Variants in PPP1R12A observed in about 807,000 individuals in gnomAD.
The protein encoded by PPP1R12A is myosin binding subunit.
Under a neutral mutation model 139.6 loss-of-function variants are expected in PPP1R12A, and 19 were observed. That is an observed-to-expected ratio of 0.14 (90% CI 0.09 to 0.20). The LOEUF (loss-of-function observed/expected upper bound fraction) is 0.20. PPP1R12A is among the 10% of genes least tolerant of loss of function. PPP1R12A has a pLI of 1.00. For missense variants in PPP1R12A, 925 were observed against 1,211.5 expected (o/e 0.76, Z 3.51); for synonymous variants, 427 against 420.6 (o/e 1.02, Z -0.19).
chr12:79,913,064 A>T (rs1370228667), intron 1 of PPP1R12A, among the ~76,000 whole-genome samples: 5 of 152,200 alleles, frequency 3.3e-5, no homozygotes, highest in African/African-American at 1.2e-4. Context: ...GTATGTGCTG[A>T]TATCTATTGT....
At chr12:79,917,746 G>A (rs1397698498) in intron 1 of PPP1R12A, among the ~76,000 whole-genome samples, 3 of 152,196 alleles carry the variant, frequency 2.0e-5, no homozygotes, top group Non-Finnish European at 2.9e-5. Flanking sequence ...GTGTATAAAG[G>A]TGTTAGGTTT....
intron 2 of PPP1R12A, chr12:79,848,957 G>A (rs559696756): frequency 7.9e-5 from 12 of 151,752 alleles, no homozygotes; most frequent in Admixed American, 6.6e-4. Context: ...AGATATAGTT[G>A]AGTATAATAC....
intron 2 of PPP1R12A, among the ~76,000 whole-genome samples, chr12:79,863,138 C>T (rs1180307617): frequency 6.6e-6 from 1 of 152,116 alleles, no homozygotes; most frequent in East Asian, 1.9e-4. Flanking sequence ...ACCCTAGAAG[C>T]CAGAAGAGAG....
At chr12:79,885,859 T>C (rs1321572007) in intron 1 of PPP1R12A, among the ~76,000 whole-genome samples, 1 of 152,124 alleles carries the variant, frequency 6.6e-6, no homozygotes, top group African/African-American at 2.4e-5. Context: ...AAACAATTCC[T>C]TTTTTGTTTG....
intron 9 of PPP1R12A, among the ~76,000 whole-genome samples, chr12:79,814,899 CAAAG>C (rs1173562655): frequency 3.0e-5 from 4 of 134,934 alleles, no homozygotes; most frequent in Non-Finnish European, 6.4e-5. Flanking sequence ...ACTTTAAGAA[CAAAG>C]AAACAATATA....
At position 79,849,831 on chromosome 12, in the gene PPP1R12A, T is replaced by A. The variant is rs1486852100; in HGVS notation, c.369-4411A>T. ...GTACAGGATGAAATTCTTTTTTATC[T>A]TTATTTTTGAAGAGACAGTCTCATT... is the stretch of plus-strand genomic sequence containing the variant. On this transcript the variant is annotated intron_variant, in intron 2 of 24. Coordinates refer to ENST00000450142, the MANE Select transcript of PPP1R12A (RefSeq NM_002480.3). Among the ~76,000 whole-genome samples the A allele has an allele frequency of 2.0e-5, 3 of 152,150 alleles. No individual in the cohort carries two copies. In the East Asian group the frequency reaches 5.8e-4, roughly 29 times the overall value.
chr12:79,800,304 C>A (rs538839781), intron 14 of PPP1R12A, among the ~76,000 whole-genome samples: 29 of 152,256 alleles, frequency 1.9e-4, no homozygotes, highest in Admixed American at 1.8e-3. Flanking sequence ...AGACCAATCC[C>A]TCCTCTTCCT....
At chr12:79,794,130 T>C (rs1872218639) in intron 18 of PPP1R12A, among the ~76,000 whole-genome samples, 1 of 152,028 alleles carries the variant, frequency 6.6e-6, no homozygotes, top group Non-Finnish European at 1.5e-5. Flanking sequence ...AAATGAATAC[T>C]GGGGGTAGGG....
At chr12:79,852,083 T>C (rs1186027910) in intron 2 of PPP1R12A, among the ~76,000 whole-genome samples, 1 of 152,200 alleles carries the variant, frequency 6.6e-6, no homozygotes. Context: ...ATAATCTTTG[T>C]CAGATAATTT....
At chr12:79,785,704 A>C (rs2136987798) in intron 22 of PPP1R12A, among the ~76,000 whole-genome samples, 1 of 152,298 alleles carries the variant, frequency 6.6e-6, no homozygotes, top group South Asian at 2.1e-4. Context: ...TTAACATGTA[A>C]AATATGTAGT....
chr12:79,871,286 T>C (rs1298058438), intron 2 of PPP1R12A, among the ~76,000 whole-genome samples: 3 of 152,188 alleles, frequency 2.0e-5, no homozygotes, highest in Admixed American at 6.5e-5. Context: ...ACTGACACAA[T>C]AGGTCTGTGA....
At chr12:79,929,540 C>T (rs887557651) in intron 1 of PPP1R12A, among the ~76,000 whole-genome samples, 9 of 151,944 alleles carry the variant, frequency 5.9e-5, no homozygotes, top group Non-Finnish European at 8.8e-5. Flanking sequence ...CCAAGACGGG[C>T]GGATCACTTG....
chr12:79,895,531 C>T (rs1402532859), intron 1 of PPP1R12A, among the ~76,000 whole-genome samples: 1 of 121,764 alleles, frequency 8.2e-6, no homozygotes, highest in East Asian at 2.8e-4. Flanking sequence ...TACAAAACAG[C>T]AATGTATAAA....
intron 1 of PPP1R12A, among the ~76,000 whole-genome samples, chr12:79,884,078 C>T (rs545061976): frequency 3.9e-5 from 6 of 152,206 alleles, no homozygotes; most frequent in Middle Eastern, 6.8e-3. Context: ...TATATAAAGA[C>T]GCAAAGCCAA....
intron 2 of PPP1R12A, among the ~76,000 whole-genome samples, chr12:79,858,454 G>T (rs552982472): frequency 6.6e-6 from 1 of 152,256 alleles, no homozygotes; most frequent in Non-Finnish European, 1.5e-5. Flanking sequence ...TATAAATTAG[G>T]TACAAGTATT....
intron 9 of PPP1R12A, among the ~76,000 whole-genome samples, chr12:79,814,447 A>T (rs541757209): frequency 1.5e-5 from 2 of 137,184 alleles, no homozygotes; most frequent in South Asian, 5.4e-4. Flanking sequence ...ACTGCACTCC[A>T]GCCTGGGCAA....
intron 14 of PPP1R12A, among the ~76,000 whole-genome samples, chr12:79,803,903 TA>T (rs1227312602): frequency 5.3e-5 from 8 of 152,154 alleles, no homozygotes; most frequent in South Asian, 2.1e-4. Flanking sequence ...TTTAGCAGAA[TA>T]AACAATCTGT....
Position 79,807,311 on chromosome 12 carries a change from T to C in PPP1R12A, c.1570A>G (p.Thr524Ala), listed in dbSNP as rs1873954977. Residue 524 changes from threonine (T) to alanine (A), a missense_variant, in exon 12 of 25, where the codon ACA (threonine) becomes GCA (alanine). Transcript: ENST00000450142. ...TTTCTCCTTGTATATGAACTACTTG[T>C]TCGCAAACTTGAAGAATCTCTGTTA... ...KENRDSSSLR[T>A]SSSYTRRKWE... The C allele has an allele frequency of 6.5e-7, 1 of 1,550,290 alleles. No individual in the cohort carries two copies. Among genetic ancestry groups the C allele is most frequent in the East Asian group, 2.4e-5 (1 of 42,110 alleles).
chr12:79,786,574 T>G, intron 21 of PPP1R12A, 96 bp from the exon 22 acceptor site: 2 of 732,626 alleles, frequency 2.7e-6, no homozygotes, highest in Non-Finnish European at 4.3e-6. Flanking sequence ...AACAGCTTAA[T>G]GTAGCATATG....
Sources: gnomAD v4.1 joint callset for allele counts (sites outside exome capture counted in the v4.1 genomes callset) on GRCh38, gnomAD v4.1.1 for gene constraint, MANE v1.5 for transcripts, NCBI Gene and HGNC (gene_info 2026-07-23, HGNC 2026-07-21) for gene names.